Variants in RMND5A observed in about 807,000 individuals in gnomAD.
RMND5A encodes required for meiotic nuclear division 5 homolog A, also known as E3 ubiquitin-protein transferase RMND5A.
Under a neutral mutation model 49.7 loss-of-function variants are expected in RMND5A, and 17 were observed. The observed-to-expected ratio is 0.34, with a 90% CI of 0.23 to 0.51. The LOEUF (loss-of-function observed/expected upper bound fraction) is 0.51. RMND5A is among the 20% of genes least tolerant of loss of function. The pLI is 0.96. For missense variants in RMND5A, 255 were observed against 471.3 expected (o/e 0.54, Z 4.25); for synonymous variants, 156 against 167.7 (o/e 0.93, Z 0.54).
intron 4 of RMND5A, among the ~76,000 whole-genome samples, chr2:86,758,364 ATT>A (rs76252434): frequency 1.4e-5 from 2 of 143,844 alleles, no homozygotes; most frequent in Non-Finnish European, 3.1e-5. Flanking sequence ...ATATAGAACT[ATT>A]TTTTTTTTTT....
intron 2 of RMND5A, among the ~76,000 whole-genome samples, chr2:86,747,393 T>C (rs988219107): frequency 2.0e-5 from 3 of 152,228 alleles, no homozygotes; most frequent in Non-Finnish European, 4.4e-5. Context: ...CAAACTCTTC[T>C]GAATACTAAT....
intron 4 of RMND5A, among the ~76,000 whole-genome samples, chr2:86,759,494 C>G (rs1038827999): frequency 1.3e-5 from 2 of 152,072 alleles, no homozygotes; most frequent in Non-Finnish European, 2.9e-5. Context: ...CAGTGTTTCT[C>G]TAAATGGAGT....
At chr2:86,752,987 T>C (rs76152205) in intron 3 of RMND5A, among the ~76,000 whole-genome samples, 4,958 of 152,304 alleles carry the variant, frequency 0.033, 284 homozygotes, top group African/African-American at 0.11. Flanking sequence ...ACAATTACAG[T>C]GGCTTAAGCA....
chr2:86,762,691 C>CATATATATCATATATATCATATATATCAT (rs1558725561), intron 4 of RMND5A, among the ~76,000 whole-genome samples: 2 of 11,780 alleles, frequency 1.7e-4, no homozygotes, highest in Non-Finnish European at 1.2e-3. Flanking sequence ...ATATATATAT[C>CATATATATCATATATATCATATATATCAT]ATATATATCA....
intron 7 of RMND5A, 171 bp from the exon 8 acceptor site, chr2:86,771,387 A>T: frequency 2.0e-6 from 1 of 508,660 alleles, no homozygotes; most frequent in Non-Finnish European, 3.3e-6. Context: ...AGGCTAATTT[A>T]ACACTTTGAA....
chr2:86,721,672 C>G lies in RMND5A; in HGVS notation c.142+863C>G, dbSNP rs1350501140. Among the ~76,000 whole-genome samples, 190 of 151,690 alleles carry G rather than the reference C, an allele frequency of 1.3e-3. 3 individuals are homozygous for G. The highest frequency in any genetic ancestry group is 2.3e-3 in the African/African-American group (93 of 41,188). On this transcript the variant is annotated intron_variant, in intron 1 of 8. Transcript: ENST00000283632. Reference sequence around the variant, plus strand: ...CTTTTAAAGGTTTGGTTTTCTTACACTTTAGAAGTCACAGCGATGATTCCT... The same window carrying G: ...CTTTTAAAGGTTTGGTTTTCTTACAGTTTAGAAGTCACAGCGATGATTCCT...
intron 6 of RMND5A, among the ~76,000 whole-genome samples, chr2:86,767,738 C>T (rs1327589770): frequency 6.6e-6 from 1 of 152,210 alleles, no homozygotes; most frequent in Non-Finnish European, 1.5e-5. Context: ...GGTAAAGTTT[C>T]AGATTCTGCT....
Position 86,753,442 on chromosome 2 carries a change from T to C in RMND5A, c.421-16T>C, listed in dbSNP as rs1681672589. The C allele has an allele frequency of 6.6e-7, 1 of 1,513,412 alleles. No individual in the cohort carries two copies. Among genetic ancestry groups the C allele is most frequent in the Non-Finnish European group, 9.1e-7 (1 of 1,094,168 alleles). 93.7% of individuals were successfully genotyped at this position (1,513,412 alleles called of 1,614,324 possible). A position where few individuals can be genotyped will look rare whatever the true frequency, so the allele number is the denominator to read the frequency against. ...ATTACTGCTAACAAAAGTTCTTTCT[T>C]TCTTTCTTTTTCCAGGAATCTGGTC... On this transcript the variant is annotated splice_polypyrimidine_tract_variant and intron_variant, in intron 3 of 8. Transcript: ENST00000283632.
At chr2:86,751,770 G>T in intron 2 of RMND5A, 126 bp from the exon 3 acceptor site, 2 of 744,692 alleles carry the variant, frequency 2.7e-6, no homozygotes, top group East Asian at 2.8e-5. Context: ...TCCTTCCTTT[G>T]GGACGCTATA....
At chr2:86,769,921 C>T (rs1672661453) in intron 6 of RMND5A, 102 bp from the exon 7 acceptor site, 1 of 764,010 alleles carries the variant, frequency 1.3e-6, no homozygotes, top group East Asian at 2.5e-5. Context: ...TGTCCAGTGG[C>T]CAGGGTCTGC....
chr2:86,753,321 G>T, intron 3 of RMND5A, 137 bp from the exon 4 acceptor site: 1 of 542,060 alleles, frequency 1.8e-6, no homozygotes. Context: ...TGTACTAGGG[G>T]GCAGTCATCA....
intron 4 of RMND5A, among the ~76,000 whole-genome samples, chr2:86,764,807 A>G (rs968756000): frequency 5.9e-5 from 9 of 152,206 alleles, no homozygotes; most frequent in African/African-American, 9.7e-5. Context: ...GTGATTGTCT[A>G]TCTTAATGCT....
chr2:86,768,640 AG>A (rs568730973), intron 6 of RMND5A, among the ~76,000 whole-genome samples: 236 of 152,304 alleles, frequency 1.5e-3, no homozygotes, highest in African/African-American at 5.5e-3. Flanking sequence ...TTGGGCCTAT[AG>A]GGCTGGGGTT....
intron 1 of RMND5A, among the ~76,000 whole-genome samples, chr2:86,729,251 C>T (rs1411109650): frequency 6.6e-6 from 1 of 152,070 alleles, no homozygotes; most frequent in Non-Finnish European, 1.5e-5. Context: ...AAAACAAGAC[C>T]ACGGCACACA....
chr2:86,720,897 C>G, intron 1 of RMND5A, 88 bp downstream of exon 1: 1 of 1,318,884 alleles, frequency 7.6e-7, no homozygotes, highest in South Asian at 1.5e-5. Context: ...CACCCACCCT[C>G]GCGCCTCTGG....
At chr2:86,766,880 T>G (rs1262597480) in intron 6 of RMND5A, among the ~76,000 whole-genome samples, 1 of 152,138 alleles carries the variant, frequency 6.6e-6, no homozygotes, top group Non-Finnish European at 1.5e-5. Flanking sequence ...TTATTAGTTT[T>G]ATTAAATCTT....
At chr2:86,720,859 C>G in intron 1 of RMND5A, 50 bp downstream of exon 1, 5 of 1,491,552 alleles carry the variant, frequency 3.4e-6, no homozygotes, top group Middle Eastern at 2.4e-4. Flanking sequence ...GCCCGAGCCC[C>G]GGTCCCGGCC....
chr2:86,757,620 C>T (rs889223880), intron 4 of RMND5A, among the ~76,000 whole-genome samples: 1 of 152,140 alleles, frequency 6.6e-6, no homozygotes, highest in South Asian at 2.1e-4. Context: ...TGTAGCTATG[C>T]CATTATTAAC....
rs1314074635 is a variant in RMND5A at position 86,775,741 on chromosome 2, T to C, written c.*2330T>C. ...AATCTGACATATTATATGGAAATTA[T>C]ATCTTGTGACCGTCTTCAAGTGCAT... On this transcript the variant is annotated 3_prime_UTR_variant, in exon 9 of 9. Coordinates refer to ENST00000283632, the MANE Select transcript of RMND5A (RefSeq NM_022780.4). 6.6e-6 allele frequency: 1 copy of C among 152,228 alleles called. No homozygotes were observed. Among genetic ancestry groups the C allele is most frequent in the South Asian group, 2.1e-4 (1 of 4,830 alleles). The allele number at this position is 152,228 out of a possible 1,614,324, so 9.4% of individuals were successfully genotyped here. A position where few individuals can be genotyped will look rare whatever the true frequency, so the allele number is the denominator to read the frequency against.
Sources: gnomAD v4.1 joint callset for allele counts (sites outside exome capture counted in the v4.1 genomes callset) on GRCh38, gnomAD v4.1.1 for gene constraint, MANE v1.5 for transcripts, NCBI Gene and HGNC (gene_info 2026-07-23, HGNC 2026-07-21) for gene names.